Variants in WWOX observed in about 807,000 individuals in gnomAD.
The protein encoded by WWOX is WW domain-containing oxidoreductase.
WWOX carries 69 observed loss-of-function variants against 46.2 expected under a neutral mutation model. The observed-to-expected ratio is 1.49, with a 90% CI of 1.23 to 1.82. The LOEUF (loss-of-function observed/expected upper bound fraction) is 1.82, where lower values mean the gene tolerates loss of function less well. Among genes scored for constraint, WWOX ranks in the 40% most tolerant of loss-of-function variants. The probability of loss-of-function intolerance (pLI) is 0.00; values close to 1 mark genes in which losing one functional copy is unlikely to be tolerated. For missense variants in WWOX, 919 were observed against 542.6 expected (o/e 1.69, Z -6.89); for synonymous variants, 359 against 202.6 (o/e 1.77, Z -6.56).
At chr16:78,993,170 T>A (rs184074854) in intron 8 of WWOX, among the ~76,000 whole-genome samples, 1 of 152,086 alleles carries the variant, frequency 6.6e-6, no homozygotes, top group Admixed American at 6.5e-5. Context: ...AGAGAGATAC[T>A]GAGTTAACTT....
intron 8 of WWOX, among the ~76,000 whole-genome samples, chr16:78,895,026 C>G (rs926646461): frequency 5.9e-5 from 9 of 152,150 alleles, no homozygotes; most frequent in Admixed American, 6.5e-5. Flanking sequence ...CACCGGTTTA[C>G]GAGAACTCTA....
At chr16:79,057,486 A>T (rs1354791219) in intron 8 of WWOX, among the ~76,000 whole-genome samples, 1 of 152,184 alleles carries the variant, frequency 6.6e-6, no homozygotes, top group Non-Finnish European at 1.5e-5. Flanking sequence ...TGTAAAGACC[A>T]TTATTATTTC....
At chr16:78,257,831 C>G (rs186327626) in intron 5 of WWOX, among the ~76,000 whole-genome samples, 73 of 152,290 alleles carry the variant, frequency 4.8e-4, no homozygotes, top group African/African-American at 1.8e-3. Flanking sequence ...CTGGTACTAT[C>G]TCATTTATGT....
chr16:78,427,111 C>G (rs917200512), intron 7 of WWOX, among the ~76,000 whole-genome samples: 6 of 152,148 alleles, frequency 3.9e-5, no homozygotes, highest in African/African-American at 1.2e-4. Context: ...GCTCACTACC[C>G]AAGAACTCAG....
intron 5 of WWOX, among the ~76,000 whole-genome samples, chr16:78,371,271 T>A (rs200666796): frequency 6.6e-6 from 1 of 152,222 alleles, no homozygotes. Flanking sequence ...TCTCTACAGA[T>A]GGATATAACT....
chr16:79,173,765 A>G (rs1420045601), intron 8 of WWOX, among the ~76,000 whole-genome samples: 1 of 152,182 alleles, frequency 6.6e-6, no homozygotes, highest in Non-Finnish European at 1.5e-5. Context: ...AAATAAAATG[A>G]CAGTTGGAAA....
intron 8 of WWOX, among the ~76,000 whole-genome samples, chr16:78,956,634 A>G (rs559139011): frequency 6.6e-6 from 1 of 152,304 alleles, no homozygotes; most frequent in South Asian, 2.1e-4. Flanking sequence ...ATATCATATC[A>G]TACCGAATAA....
chr16:78,569,902 C>A (rs769972118), intron 8 of WWOX, among the ~76,000 whole-genome samples: 6 of 152,114 alleles, frequency 3.9e-5, no homozygotes, highest in South Asian at 2.1e-4. Flanking sequence ...TCATAAATAC[C>A]CATCGGTACC....
intron 8 of WWOX, among the ~76,000 whole-genome samples, chr16:78,796,306 C>A (rs955955541): frequency 2.0e-5 from 3 of 152,226 alleles, no homozygotes; most frequent in African/African-American, 7.2e-5. Flanking sequence ...TACCCTGGAG[C>A]CTCCAAATCC....
At chr16:79,136,127 G>A (rs2347091) in intron 8 of WWOX, among the ~76,000 whole-genome samples, 47,626 of 151,992 alleles carry the variant, frequency 0.31, 9,629 homozygotes, top group African/African-American at 0.58. Flanking sequence ...GCTAGTCAAC[G>A]TCCAACTGCC....
At chr16:78,653,666 G>A (rs1037932534) in intron 8 of WWOX, among the ~76,000 whole-genome samples, 2 of 152,248 alleles carry the variant, frequency 1.3e-5, no homozygotes, top group African/African-American at 4.8e-5. Flanking sequence ...GGACAGAGGA[G>A]CAAGTGGAAA....
Position 78,791,580 on chromosome 16 carries a change from C to G in WWOX, c.1056+358828C>G, listed in dbSNP as rs571621049. Among the ~76,000 whole-genome samples the G allele has an allele frequency of 5.3e-5, 8 of 152,126 alleles. No homozygotes were observed. The South Asian group carries it at 1.7e-3, about 32-fold the overall frequency. On this transcript the variant is annotated intron_variant, in intron 8 of 8. Transcript: ENST00000566780. The stretch of plus-strand genomic sequence containing the variant: ...CGCAGGCCATCTGAAGTTAGTGAAT[C>G]TGAGGCAAACAGAAGGGCTGGGTGC...
At chr16:78,475,443 T>A (rs1013809375) in intron 8 of WWOX, among the ~76,000 whole-genome samples, 1 of 152,234 alleles carries the variant, frequency 6.6e-6, no homozygotes, top group Admixed American at 6.5e-5. Context: ...TCCCAGAGTT[T>A]TGCAGAAGAG....
chr16:79,034,311 A>T (rs1293751761), intron 8 of WWOX, among the ~76,000 whole-genome samples: 1 of 152,198 alleles, frequency 6.6e-6, no homozygotes, highest in African/African-American at 2.4e-5. Flanking sequence ...TAATGTCAAT[A>T]ACTTTCCTGA....
At chr16:78,900,363 C>T (rs769482660) in intron 8 of WWOX, among the ~76,000 whole-genome samples, 2 of 152,112 alleles carry the variant, frequency 1.3e-5, no homozygotes, top group African/African-American at 4.8e-5. Context: ...TATGCACGCT[C>T]ATATTATTAA....
At chr16:78,248,833 A>G (rs939947520) in intron 5 of WWOX, among the ~76,000 whole-genome samples, 27 of 150,504 alleles carry the variant, frequency 1.8e-4, no homozygotes, top group African/African-American at 6.4e-4. Flanking sequence ...CCTCAGGACA[A>G]CCCTCTGAGG....
At chr16:79,104,055 T>TGGGGG (rs2049259118) in intron 8 of WWOX, among the ~76,000 whole-genome samples, 3 of 16,546 alleles carry the variant, frequency 1.8e-4, no homozygotes, top group Non-Finnish European at 2.5e-4. Flanking sequence ...GGGGGGCGGG[T>TGGGGG]GGTGGGGGTA....
intron 8 of WWOX, among the ~76,000 whole-genome samples, chr16:78,681,411 C>T (rs1469349004): frequency 6.6e-6 from 1 of 151,966 alleles, no homozygotes; most frequent in African/African-American, 2.4e-5. Flanking sequence ...CTCAAAAAAC[C>T]AAAACAAAGG....
chr16:79,104,362 T>C (rs1225105316), intron 8 of WWOX, among the ~76,000 whole-genome samples: 1 of 152,176 alleles, frequency 6.6e-6, no homozygotes, highest in Non-Finnish European at 1.5e-5. Flanking sequence ...CAATGAAAAC[T>C]CATAAGCATA....
Sources: gnomAD v4.1 joint callset for allele counts (sites outside exome capture counted in the v4.1 genomes callset) on GRCh38, gnomAD v4.1.1 for gene constraint, MANE v1.5 for transcripts, NCBI Gene and HGNC (gene_info 2026-07-23, HGNC 2026-07-21) for gene names.